The following PML variants were observed in gnomAD, a reference collection of about 807,000 sequenced individuals.
The protein encoded by PML is protein PML.
PML carries 28 observed loss-of-function variants against 65.2 expected under a neutral mutation model. The ratio of observed to expected loss-of-function variants is 0.43; its 90% confidence interval spans 0.32 to 0.59. PML has a LOEUF of 0.59. Ranked by LOEUF, PML falls within the 20% of genes least tolerant of loss-of-function variation. The pLI is 0.08. For missense variants in PML, 1,021 were observed against 1,203.4 expected (o/e 0.85, Z 2.24); for synonymous variants, 500 against 508.8 (o/e 0.98, Z 0.23).
rs755524243 is a variant in PML at position 74,044,563 on chromosome 15, C to T, written c.2204C>T (p.Ala735Val). The T allele has an allele frequency of 1.7e-5, 27 of 1,612,536 alleles. No individual in the cohort carries two copies. In the East Asian group the frequency reaches 3.1e-4, roughly 19 times the overall value. ...KLKNLAQTYLARNMSERSAMA... is the reference protein window; with the variant it reads ...KLKNLAQTYLVRNMSERSAMA... ...AAGAACCTGGCCCAGACCTACCTGG[C>T]GAGAAACATGAGCGAGCGCAGCGCC... The change falls in exon 9 of 9, where the codon GCG (alanine) becomes GTG (valine). Residue 735 changes from alanine to valine, a missense_variant. Physicochemically the swap from Ala to Val is moderately conservative, Grantham distance 64. Transcript: ENST00000268058.
rs937268703 is a variant in PML, at chr15:74,042,315, G to A, written c.1711-674G>A. ...CTCTCTCACTGCCAAGGACCTGGGT[G>A]TCCACCTAGATGTGGCCTTCAGGAG... On this transcript the variant is annotated intron_variant, in intron 7 of 8. Coordinates refer to ENST00000268058, the MANE Select transcript of PML (RefSeq NM_033238.3). This position sits in a 1 kb window ranked among gnomAD's most constrained non-coding sequence, Gnocchi z 5.3. 1.3e-5 allele frequency: 13 copies of A among 977,258 alleles called. No homozygotes were observed. The East Asian group carries it at 1.1e-3, about 86-fold the overall frequency. 60.5% of individuals were successfully genotyped at this position (977,258 alleles called of 1,614,324 possible).
chr15:74,008,738 CAAAAA>C (rs550873482), intron 2 of PML, among the ~76,000 whole-genome samples: 2 of 64,020 alleles, frequency 3.1e-5, no homozygotes, highest in Admixed American at 1.8e-4. Context: ...GACTGTGTCT[CAAAAA>C]AAAAAAAAAA....
At chr15:74,013,644 G>A (rs750238621) in intron 2 of PML, among the ~76,000 whole-genome samples, 2 of 152,086 alleles carry the variant, frequency 1.3e-5, no homozygotes, top group Non-Finnish European at 2.9e-5. Context: ...AGAGCTGCCC[G>A]TTCTCACCAT....
At chr15:74,012,837 T>A (rs140526351) in intron 2 of PML, among the ~76,000 whole-genome samples, 1 of 133,526 alleles carries the variant, frequency 7.5e-6, no homozygotes, top group African/African-American at 2.7e-5. Flanking sequence ...ATTTTTTTTT[T>A]CCAAGAAGGA....
intron 3 of PML, 75 bp from the exon 4 acceptor site, chr15:74,024,782 T>C: frequency 9.4e-7 from 1 of 1,065,628 alleles, no homozygotes; most frequent in Admixed American, 1.7e-5. Flanking sequence ...ACCTCCTCTC[T>C]ATCACTGTCC....
rs985478055 is a variant in PML at position 74,045,066 on chromosome 15, G to C, written c.*58G>C. The C allele has an allele frequency of 4.8e-6, 7 of 1,455,814 alleles. No individual in the cohort carries two copies. Among genetic ancestry groups the C allele is most frequent in the Non-Finnish European group, 5.6e-6 (6 of 1,079,662 alleles). The allele number at this position is 1,455,814 out of a possible 1,614,324, so 90.2% of individuals were successfully genotyped here. A position where few individuals can be genotyped will look rare whatever the true frequency, so the allele number is the denominator to read the frequency against. On this transcript the variant is annotated 3_prime_UTR_variant, in exon 9 of 9. Transcript: ENST00000268058. ...GGGCAGAGAGGGATGGGGTCCCTGA[G>C]CCAGGCCCCACCCATCACAGCATTC...
intron 2 of PML, among the ~76,000 whole-genome samples, chr15:74,020,446 A>C (rs985062061): frequency 3.2e-4 from 49 of 151,862 alleles, no homozygotes; most frequent in African/African-American, 1.2e-3. Flanking sequence ...CACACCACCA[A>C]GACTTATTCT....
rs1363324436 is a variant in PML at position 74,044,344 on chromosome 15, TCCTC to T, written c.1986_1989del (p.Phe662LeufsTer4). On this transcript the variant is annotated frameshift_variant, in exon 9 of 9. Transcript: ENST00000268058. LOFTEE classifies it low-confidence loss of function (END_TRUNC). ...TCCCTGGAGGTGGGGCTGCAGCACT[TCCTC>T]AGCTTTCTGAGCTCCATGCGCCGCC... 1 of 1,614,034 alleles carries T rather than the reference TCCTC, an allele frequency of 6.2e-7. No individual in the cohort carries two copies. The highest frequency in any genetic ancestry group is 1.3e-5 in the African/African-American group (1 of 74,910).
In PML at chr15:73,994,771, A is replaced by G; in HGVS notation, c.-42A>G. On this transcript the variant is annotated 5_prime_UTR_variant, in exon 1 of 9. Transcript: ENST00000268058. ...CCTCCCCTTCAGCTTCTCTTCACGCACTCCAAGATCTAAACCGAGAATCGA... is the reference window on the plus strand; with the variant it reads ...CCTCCCCTTCAGCTTCTCTTCACGCGCTCCAAGATCTAAACCGAGAATCGA... 6.5e-7 allele frequency: 1 copy of G among 1,549,404 alleles called. No homozygotes were observed. Among genetic ancestry groups the G allele is most frequent in the South Asian group, 1.2e-5 (1 of 84,018 alleles).
intron 4 of PML, 93 bp downstream of exon 4, chr15:74,025,020 CGTCTGAGTG>C: frequency 7.1e-6 from 6 of 848,934 alleles, no homozygotes; most frequent in Non-Finnish European, 1.2e-5. Flanking sequence ...GCAGGGAGAG[CGTCTGAGTG>C]AGGGACAGCA....
intron 2 of PML, among the ~76,000 whole-genome samples, chr15:74,013,571 G>T (rs2070426974): frequency 6.6e-6 from 1 of 152,096 alleles, no homozygotes; most frequent in Admixed American, 6.5e-5. Flanking sequence ...TTGCAATTTG[G>T]TTATGTTCTG....
At chr15:74,017,790 T>C (rs916538387) in intron 2 of PML, among the ~76,000 whole-genome samples, 4 of 152,200 alleles carry the variant, frequency 2.6e-5, no homozygotes, top group African/African-American at 9.7e-5. Context: ...CATATTCTCT[T>C]AATAATGGCA....
chr15:73,994,976 T>C (rs1214107564), intron 1 of PML, 35 bp downstream of exon 1: 2 of 1,498,174 alleles, frequency 1.3e-6, no homozygotes, highest in African/African-American at 1.4e-5. Flanking sequence ...GGGTTAAGCT[T>C]TGTTGGTTTG....
chr15:74,021,917 G>A (rs1399884501), intron 2 of PML, among the ~76,000 whole-genome samples: 2 of 152,220 alleles, frequency 1.3e-5, no homozygotes, highest in Non-Finnish European at 2.9e-5. Flanking sequence ...GTGAAAGTTC[G>A]TTGAGAGGAG....
rs1176085778 is a variant in PML, at chr15:74,035,987, A to G, written c.1710+1457A>G. On this transcript the variant is annotated intron_variant, in intron 7 of 8. Coordinates refer to ENST00000268058, the MANE Select transcript of PML (RefSeq NM_033238.3). This position sits in a 1 kb window ranked among gnomAD's most constrained non-coding sequence, Gnocchi z 4.1. The stretch of plus-strand genomic sequence containing the variant: ...CTTCTCTTGTAACCTTGCAGCCAAC[A>G]CCCCTGCCCGGCCCCTGAGCTGCCT... 3 of 1,613,192 alleles carry G rather than the reference A, an allele frequency of 1.9e-6. No individual in the cohort carries two copies. The highest frequency in any genetic ancestry group is 3.3e-5 in the Admixed American group (2 of 59,922).
In PML at chr15:74,035,855, G is replaced by A. The variant is rs1373046059; in HGVS notation, c.1710+1325G>A. 1.2e-6 allele frequency: 2 copies of A among 1,613,602 alleles called. No individual in the cohort carries two copies. Among genetic ancestry groups the A allele is most frequent in the East Asian group, 2.2e-5 (1 of 44,860 alleles). On this transcript the variant is annotated intron_variant, in intron 7 of 8. Coordinates refer to ENST00000268058, the MANE Select transcript of PML (RefSeq NM_033238.3). The surrounding 1 kb of genome is among the most constrained non-coding windows in gnomAD (Gnocchi z 4.1). ...CCATGGAGGCCTCTCAAGTCCAAGT[G>A]CCTCTGGAAGCCTCTCCAATTACAT...
chr15:74,014,410 C>T (rs1189726818), intron 2 of PML, among the ~76,000 whole-genome samples: 1 of 151,740 alleles, frequency 6.6e-6, no homozygotes, highest in African/African-American at 2.4e-5. Flanking sequence ...CAGCTCACTG[C>T]AACCTCTGCC....
intron 4 of PML, among the ~76,000 whole-genome samples, chr15:74,032,229 C>T (rs573837337): frequency 6.6e-6 from 1 of 152,232 alleles, no homozygotes; most frequent in East Asian, 1.9e-4. Flanking sequence ...GCTCCAGTAA[C>T]TCAGAGTCAG....
intron 2 of PML, among the ~76,000 whole-genome samples, chr15:74,008,175 G>T (rs926734856): frequency 6.6e-6 from 1 of 152,194 alleles, no homozygotes; most frequent in Non-Finnish European, 1.5e-5. Flanking sequence ...CAGACAGGAG[G>T]GACTGCACGT....
Sources: allele counts gnomAD v4.1 joint callset (sites outside exome capture counted in the v4.1 genomes callset), GRCh38; gene constraint gnomAD v4.1.1; non-coding constraint Gnocchi (gnomAD v3.1); transcripts MANE v1.5; gene names NCBI Gene and HGNC (gene_info 2026-07-23, HGNC 2026-07-21).